CDCA7L: variants seen among roughly 807,000 people sequenced by gnomAD.
The protein encoded by CDCA7L is cell division cycle associated 7 like.
A neutral mutation model predicts 57.4 loss-of-function variants in CDCA7L; 44 were observed. The ratio of observed to expected loss-of-function variants is 0.77; its 90% CI spans 0.60 to 0.98. CDCA7L has a LOEUF of 0.98. CDCA7L is among the 50% of genes least tolerant of loss of function. The pLI is 0.00. For synonymous variants in CDCA7L, 236 were observed against 202.8 expected (o/e 1.16, Z -1.39); for missense variants, 644 against 580.6 (o/e 1.11, Z -1.12).
chr7:21,929,614 A>G (rs1201252170), intron 1 of CDCA7L, among the ~76,000 whole-genome samples: 3 of 126,502 alleles, frequency 2.4e-5, no homozygotes, highest in African/African-American at 9.2e-5. Context: ...GAGGAATATT[A>G]TCCAGCAAAT....
At chr7:21,921,448 A>G (rs1785649964) in intron 1 of CDCA7L, among the ~76,000 whole-genome samples, 1 of 152,086 alleles carries the variant, frequency 6.6e-6, no homozygotes, top group South Asian at 2.1e-4. Flanking sequence ...GAAGGACCTG[A>G]TAGAAAGGAT....
intron 4 of CDCA7L, among the ~76,000 whole-genome samples, chr7:21,907,822 G>T (rs770871801): frequency 2.0e-5 from 3 of 152,118 alleles, no homozygotes; most frequent in Non-Finnish European, 2.9e-5. Context: ...TAGTTGTTCA[G>T]CCCCTCTCAT....
At chr7:21,907,655 G>C (rs1785181151) in intron 4 of CDCA7L, among the ~76,000 whole-genome samples, 1 of 152,080 alleles carries the variant, frequency 6.6e-6, no homozygotes, top group African/African-American at 2.4e-5. Flanking sequence ...TTAATTCCTA[G>C]ACCTCTTCCA....
intron 1 of CDCA7L, among the ~76,000 whole-genome samples, chr7:21,931,099 A>C (rs1316220313): frequency 6.6e-6 from 1 of 152,194 alleles, no homozygotes; most frequent in Non-Finnish European, 1.5e-5. Flanking sequence ...AAATTCCTGA[A>C]GACCAATAAC....
chr7:21,923,042 GAT>G (rs1785707524), intron 1 of CDCA7L, among the ~76,000 whole-genome samples: 1 of 152,136 alleles, frequency 6.6e-6, no homozygotes, highest in African/African-American at 2.4e-5. Flanking sequence ...CTGTTTAATG[GAT>G]ACAGATTCAG....
At chr7:21,914,392 C>G (rs903730078) in intron 2 of CDCA7L, among the ~76,000 whole-genome samples, 2 of 152,124 alleles carry the variant, frequency 1.3e-5, no homozygotes, top group African/African-American at 4.8e-5. Context: ...GCAGACAGGT[C>G]CACGAATAAC....
Position 21,903,054 on chromosome 7 carries a change from C to T in CDCA7L, c.1258G>A (p.Gly420Ser), listed in dbSNP as rs1301630062. 9 of 1,613,932 alleles carry T rather than the reference C, an allele frequency of 5.6e-6. No individual in the cohort carries two copies. The highest frequency in any genetic ancestry group is 7.6e-6 in the Non-Finnish European group (9 of 1,179,982). Reference protein sequence around the residue: ...CNCSYCRKRDGRCATGILIHL... With the variant: ...CNCSYCRKRDSRCATGILIHL... ...ATGAGGATTCCTGTGGCACAGCGGCCGTCACGCTTCCGACAGTAGCTGCAA... is the reference window on the plus strand; with the variant it reads ...ATGAGGATTCCTGTGGCACAGCGGCTGTCACGCTTCCGACAGTAGCTGCAA... Residue 420 changes from glycine (G) to serine (S), a missense_variant, in exon 9 of 10, where the codon GGC becomes AGC. By Grantham distance (56) the Gly-to-Ser change is moderately conservative. Transcript: ENST00000406877.
At chr7:21,915,557 G>A (rs541815217) in intron 2 of CDCA7L, among the ~76,000 whole-genome samples, 3 of 150,648 alleles carry the variant, frequency 2.0e-5, no homozygotes, top group East Asian at 2.0e-4. Context: ...CAGCACTTTC[G>A]GAGGCCAAGG....
At chr7:21,929,901 T>G (rs1562633912) in intron 1 of CDCA7L, among the ~76,000 whole-genome samples, 1 of 151,752 alleles carries the variant, frequency 6.6e-6, no homozygotes, top group African/African-American at 2.4e-5. Context: ...CTGTCACTAT[T>G]AGATCAAAGA....
chr7:21,903,590 T>C (rs1357125455), intron 8 of CDCA7L, among the ~76,000 whole-genome samples: 1 of 133,854 alleles, frequency 7.5e-6, no homozygotes, highest in African/African-American at 2.9e-5. Flanking sequence ...GGAGCAGGAC[T>C]GCCCCAGGCT....
At chr7:21,945,497 T>G (rs931624793) in intron 1 of CDCA7L, among the ~76,000 whole-genome samples, 2 of 151,356 alleles carry the variant, frequency 1.3e-5, no homozygotes, top group Non-Finnish European at 2.9e-5. Flanking sequence ...CCCCGCTAGC[T>G]CCCCGCCTGC....
chr7:21,940,766 A>T (rs1786318482), intron 1 of CDCA7L, among the ~76,000 whole-genome samples: 1 of 152,192 alleles, frequency 6.6e-6, no homozygotes, highest in African/African-American at 2.4e-5. Context: ...AGTCAATGAG[A>T]CCAACTTGCC....
chr7:21,934,153 A>C (rs1441036566), intron 1 of CDCA7L, among the ~76,000 whole-genome samples: 5 of 152,294 alleles, frequency 3.3e-5, no homozygotes, highest in Admixed American at 2.6e-4. Flanking sequence ...AAATATAAAA[A>C]CTAGAGTATT....
chr7:21,900,908 A>ACCAGAATGTTGAATG lies in CDCA7L; in HGVS notation c.*1399_*1413dup. Reference sequence around the variant, plus strand: ...CACTGACAAGCAAAAATATGACAAAACCAGAATGTTGAATGTTTATTGCAT... The same window carrying ACCAGAATGTTGAATG: ...CACTGACAAGCAAAAATATGACAAAACCAGAATGTTGAATGCCAGAATGTTGAATGTTTATTGCAT... On this transcript the variant is annotated 3_prime_UTR_variant, in exon 10 of 10. Coordinates refer to ENST00000406877, the MANE Select transcript of CDCA7L (RefSeq NM_018719.5). The ACCAGAATGTTGAATG allele has an allele frequency of 6.8e-7, 1 of 1,477,786 alleles. No homozygotes were observed. The highest frequency in any genetic ancestry group is 9.0e-7 in the Non-Finnish European group (1 of 1,114,992). 91.5% of individuals were successfully genotyped at this position (1,477,786 alleles called of 1,614,324 possible).
At chr7:21,930,347 C>T (rs1018898986) in intron 1 of CDCA7L, among the ~76,000 whole-genome samples, 1 of 152,116 alleles carries the variant, frequency 6.6e-6, no homozygotes, top group Non-Finnish European at 1.5e-5. Context: ...GCACTAAATG[C>T]CCACAAGAGA....
Position 21,900,901 on chromosome 7 carries a change from T to A in CDCA7L, c.*1421A>T. Reference sequence around the variant, plus strand: ...AAAATACCACTGACAAGCAAAAATATGACAAAACCAGAATGTTGAATGTTT... The same window carrying A: ...AAAATACCACTGACAAGCAAAAATAAGACAAAACCAGAATGTTGAATGTTT... On this transcript the variant is annotated 3_prime_UTR_variant, in exon 10 of 10. Coordinates refer to ENST00000406877, the MANE Select transcript of CDCA7L (RefSeq NM_018719.5). The A allele has an allele frequency of 1.4e-6, 2 of 1,474,954 alleles. No individual in the cohort carries two copies. Among genetic ancestry groups the A allele is most frequent in the Non-Finnish European group, 1.8e-6 (2 of 1,112,682 alleles). The allele number at this position is 1,474,954 out of a possible 1,614,324, so 91.4% of individuals were successfully genotyped here.
Position 21,901,307 on chromosome 7 carries a change from G to T in CDCA7L, c.*1015C>A. ...GCTGGAGTGCAGTGAGGATTTTCTA[G>T]CATGTTGCTGCACTGTTCCCATGCA... On this transcript the variant is annotated 3_prime_UTR_variant, in exon 10 of 10. Transcript: ENST00000406877. The T allele has an allele frequency of 6.7e-7, 1 of 1,500,524 alleles. No individual in the cohort carries two copies. Among genetic ancestry groups the T allele is most frequent in the Non-Finnish European group, 8.9e-7 (1 of 1,118,342 alleles). 93.0% of individuals were successfully genotyped at this position (1,500,524 alleles called of 1,614,324 possible).
rs1785332419 is a variant in CDCA7L, at chr7:21,911,678, G to T, written c.242C>A (p.Thr81Asn). Residue 81 changes from threonine to asparagine, a missense_variant, in exon 3 of 10, where the codon ACT (threonine) becomes AAT (asparagine). Thr to Asn is a moderately conservative substitution (Grantham distance 65). Coordinates refer to ENST00000406877, the MANE Select transcript of CDCA7L (RefSeq NM_018719.5). ...CTGCGTAAATCCTGCAAAATCCTCA[G>T]TCTCTGAGTCAGTGTCCTCTATAAA... The part of the protein sequence containing the change: ...RIFIEDTDSE[T>N]EDFAGFTQSD... 1.4e-5 allele frequency: 22 copies of T among 1,613,612 alleles called. No homozygotes were observed. The highest frequency in any genetic ancestry group is 1.7e-5 in the Non-Finnish European group (20 of 1,179,860).
Position 21,902,143 on chromosome 7 carries a change from G to T in CDCA7L, c.*179C>A. 3.1e-6 allele frequency: 2 copies of T among 655,532 alleles called. No individual in the cohort carries two copies. The highest frequency in any genetic ancestry group is 5.4e-6 in the Non-Finnish European group (2 of 367,804). 40.6% of individuals were successfully genotyped at this position (655,532 alleles called of 1,614,324 possible). A position where few individuals can be genotyped will look rare whatever the true frequency, so the allele number is the denominator to read the frequency against. ...ACATCTATATAGATTCCTCTGCTCT[G>T]CTGTCTTCCTGAGAAATCTTTGTAA... On this transcript the variant is annotated 3_prime_UTR_variant, in exon 10 of 10. Transcript: ENST00000406877.
Sources: gnomAD v4.1 joint callset for allele counts (sites outside exome capture counted in the v4.1 genomes callset) on GRCh38, gnomAD v4.1.1 for gene constraint, MANE v1.5 for transcripts, NCBI Gene and HGNC (gene_info 2026-07-23, HGNC 2026-07-21) for gene names.